Variants in MUC17 observed in about 807,000 individuals in gnomAD.
MUC17 encodes the protein mucin 17, cell surface associated.
Under a neutral mutation model 170.3 loss-of-function variants are expected in MUC17, and 190 were observed. That is an observed-to-expected ratio of 1.12 (90% CI 0.99 to 1.26). The LOEUF is 1.26. Among genes scored for constraint, MUC17 ranks in the 50% most tolerant of loss-of-function variants. The pLI is 0.00. For missense variants in MUC17, 6,415 were observed against 5,530.0 expected (o/e 1.16, Z -5.08); for synonymous variants, 2,325 against 2,002.5 (o/e 1.16, Z -4.30).
At position 101,046,578 on chromosome 7, in the gene MUC17, C is replaced by T. The variant is rs113986612; in HGVS notation, c.12404-1406C>T. ...ATTTGTTAAGGCCAGGAGTTTGAGA[C>T]CAGCCTGAGCAACAGAGCAATACCC... On this transcript the variant is annotated intron_variant, in intron 3 of 12. Coordinates refer to ENST00000306151, the MANE Select transcript of MUC17 (RefSeq NM_001040105.2). Among the ~76,000 whole-genome samples the T allele has an allele frequency of 7.2e-3, 1,099 of 152,054 alleles. 19 individuals carry two copies. The highest frequency in any genetic ancestry group is 0.025 in the African/African-American group (1,036 of 41,466).
At chr7:101,021,361 T>C (rs1387700316) in intron 1 of MUC17, among the ~76,000 whole-genome samples, 1 of 151,986 alleles carries the variant, frequency 6.6e-6, no homozygotes, top group Non-Finnish European at 1.5e-5. Flanking sequence ...AGATTTTGTA[T>C]ATTTTTAGTA....
rs1472811368 is a variant in MUC17, at chr7:101,031,217, G to A, written c.180G>A (p.Arg60=). Reference sequence around the variant, plus strand: ...GCCAGCAGCTGTCTCAGCACGTTAGGACAGGTAAGGCAACAGACTCCAAGA... The same window carrying A: ...GCCAGCAGCTGTCTCAGCACGTTAGAACAGGTAAGGCAACAGACTCCAAGA... ...RQCQQLSQHV[R]TGSAANTATG... is the part of the protein sequence containing the mutation. Residue 60 remains arginine, a synonymous_variant, in exon 2 of 13, where the codon AGG becomes AGA. Coordinates refer to ENST00000306151, the MANE Select transcript of MUC17 (RefSeq NM_001040105.2). 1.4e-5 allele frequency: 23 copies of A among 1,612,322 alleles called. No homozygotes were observed. Among genetic ancestry groups the A allele is most frequent in the Non-Finnish European group, 2.0e-5 (23 of 1,179,234 alleles).
At position 101,037,616 on chromosome 7, in the gene MUC17, C is replaced by T. The variant is rs749504674; in HGVS notation, c.6200C>T (p.Thr2067Ile). The T allele has an allele frequency of 1.9e-6, 3 of 1,614,034 alleles. No individual in the cohort carries two copies. Among genetic ancestry groups the T allele is most frequent in the East Asian group, 2.2e-5 (1 of 44,872 alleles). ...TCTGAGGGTAACACCCTTTCAACAA[C>T]TCCTGTTGACTCCAAAACTCAGGTG... ...VSSEGNTLST[T>I]PVDSKTQVTN... Residue 2067 changes from threonine to isoleucine, a missense_variant, in exon 3 of 13, where the codon ACT becomes ATT. By Grantham distance (89) the Thr-to-Ile change is moderately conservative. Coordinates refer to ENST00000306151, the MANE Select transcript of MUC17 (RefSeq NM_001040105.2).
chr7:101,049,047 T>TG, intron 5 of MUC17, 75 bp downstream of exon 5: 7 of 1,601,996 alleles, frequency 4.4e-6, no homozygotes, highest in Non-Finnish European at 4.3e-6. Context: ...AGAAGGTAGC[T>TG]GGGGGCTGTT....
At position 101,032,264 on chromosome 7, in the gene MUC17, G is replaced by A; in HGVS notation, c.848G>A (p.Ser283Asn). 1.2e-6 allele frequency: 2 copies of A among 1,613,928 alleles called. No homozygotes were observed. The highest frequency in any genetic ancestry group is 1.7e-6 in the Non-Finnish European group (2 of 1,179,888). The change falls in exon 3 of 13, where the codon AGC becomes AAC. Residue 283 changes from serine to asparagine, a missense_variant. Transcript: ENST00000306151. ...ACTCCATTAACAAGAATGCCTCTCA[G>A]CGTGATGCTGGTGGTCAGTTCTGAG... The part of the protein sequence containing the change: ...GSTPLTRMPL[S>N]VMLVVSSEAS...
In MUC17 at chr7:101,036,114, A is replaced by C; in HGVS notation, c.4698A>C (p.Ser1566=). The C allele has an allele frequency of 6.2e-7, 1 of 1,612,052 alleles. No homozygotes were observed. The highest frequency in any genetic ancestry group is 2.2e-5 in the East Asian group (1 of 44,722). The change falls in exon 3 of 13, where the codon TCA becomes TCC. Residue 1566 remains serine, a synonymous_variant. Transcript: ENST00000306151. ...CTGACGGTACCAGCATGCAAACCTC[A>C]ACTTATAGTGAAGGAAGCACTCCAC... The part of the protein sequence containing the change: ...TTADGTSMQT[S]TYSEGSTPLT...
chr7:101,033,231 T>C lies in MUC17; in HGVS notation c.1815T>C (p.Ser605=), dbSNP rs1248857521. ...CCAACACTTTTGTGACCACTTCTAG[T>C]GAAGCTAGTTCATCTTCTACAACTG... is the stretch of plus-strand genomic sequence containing the variant. ...ADSNTFVTTS[S]EASSSSTTAE... Residue 605 remains serine, a synonymous_variant, in exon 3 of 13, where the codon AGT becomes AGC. Transcript: ENST00000306151. 6.2e-7 allele frequency: 1 copy of C among 1,614,032 alleles called. No homozygotes were observed. Among genetic ancestry groups the C allele is most frequent in the African/African-American group, 1.3e-5 (1 of 74,906 alleles).
At chr7:101,030,555 ATCTTTTAAAAAATAT>A (rs1160285093) in intron 1 of MUC17, among the ~76,000 whole-genome samples, 1 of 152,052 alleles carries the variant, frequency 6.6e-6, no homozygotes, top group African/African-American at 2.4e-5. Flanking sequence ...GTCATATTCT[ATCTTTTAAAAAATAT>A]TTATTTATTC....
In MUC17 at chr7:101,035,312, T is replaced by G. The variant is rs147387209; in HGVS notation, c.3896T>G (p.Leu1299Ter). 2 of 1,604,148 alleles carry G rather than the reference T, an allele frequency of 1.2e-6. No individual in the cohort carries two copies. Among genetic ancestry groups the G allele is most frequent in the Admixed American group, 3.4e-5 (2 of 59,242 alleles). ...ACCAGTCCTGAGGCTAGCACCCTTT[T>G]AACAACTCCTGTTGACACTAAAGGT... is the stretch of plus-strand genomic sequence containing the variant. ...LVTSPEASTL[L>*]TTPVDTKGPV... Residue 1299 changes from leucine to a stop codon, truncating the protein, a stop_gained, in exon 3 of 13, where the codon TTA (leucine) becomes TGA (stop). Transcript: ENST00000306151. LOFTEE classifies it high-confidence loss of function.
In MUC17 at chr7:101,038,061, T is replaced by C. The variant is rs763903791; in HGVS notation, c.6645T>C (p.Pro2215=). The change falls in exon 3 of 13, where the codon CCT becomes CCC. Residue 2215 remains proline (P), a synonymous_variant. Coordinates refer to ENST00000306151, the MANE Select transcript of MUC17 (RefSeq NM_001040105.2). ...SEGTSMPTST[P]SEGSTPFTSM... is the part of the protein sequence containing the mutation. ...GTACCAGCATGCCAACCTCAACTCC[T>C]AGTGAAGGAAGCACTCCATTCACAA... 13 of 1,406,824 alleles carry C rather than the reference T, an allele frequency of 9.2e-6. No homozygotes were observed. The highest frequency in any genetic ancestry group is 1.2e-5 in the Non-Finnish European group (13 of 1,050,664). The allele number at this position is 1,406,824 out of a possible 1,614,324, so 87.1% of individuals were successfully genotyped here.
At position 101,039,133 on chromosome 7, in the gene MUC17, A is replaced by C; in HGVS notation, c.7717A>C (p.Ser2573Arg). The C allele has an allele frequency of 6.2e-7, 1 of 1,613,870 alleles. No individual in the cohort carries two copies. Among genetic ancestry groups the C allele is most frequent in the African/African-American group, 1.3e-5 (1 of 74,932 alleles). Reference protein sequence around the residue: ...SMPTSTYSEGSTPLRSMPVST... With the variant: ...SMPTSTYSEGRTPLRSMPVST... The stretch of plus-strand genomic sequence containing the variant: ...GCCTACCTCAACTTATAGTGAAGGA[A>C]GCACTCCATTAAGAAGTATGCCTGT... Residue 2573 changes from serine to arginine, a missense_variant, in exon 3 of 13, where the codon AGC (serine) becomes CGC (arginine). Coordinates refer to ENST00000306151, the MANE Select transcript of MUC17 (RefSeq NM_001040105.2).
At position 101,054,038 on chromosome 7, in the gene MUC17, C is replaced by T. The variant is rs190701528; in HGVS notation, c.13363+602C>T. 4.3e-5 allele frequency among the ~76,000 whole-genome samples: 4 copies of T among 93,262 alleles called. No individual in the cohort carries two copies. The East Asian group carries it at 1.6e-3, about 37-fold the overall frequency. The allele number at this position is 93,262 out of a possible 152,430, so 61.2% of individuals were successfully genotyped here. Reference sequence around the variant, plus strand: ...TTGTACCACTGCACTCCAGCCTGGGCAACAGAACAAGACCCTGTCAAAAAA... The same window carrying T: ...TTGTACCACTGCACTCCAGCCTGGGTAACAGAACAAGACCCTGTCAAAAAA... On this transcript the variant is annotated intron_variant, in intron 11 of 12. Coordinates refer to ENST00000306151, the MANE Select transcript of MUC17 (RefSeq NM_001040105.2).
At chr7:101,026,869 C>G (rs1336231099) in intron 1 of MUC17, among the ~76,000 whole-genome samples, 3 of 152,200 alleles carry the variant, frequency 2.0e-5, no homozygotes, top group Admixed American at 1.3e-4. Context: ...CACGCACCAC[C>G]ATGCCCAGCT....
rs1246112212 is a variant in MUC17, at chr7:101,043,420, C to G, written c.12004C>G (p.Leu4002Val). ...ACCCGCAATGACTACTGCAGCTCCC[C>G]TCACATATGTGACCATGTCTACTGC... ...TTPAMTTAAP[L>V]TYVTMSTAPS... Residue 4002 changes from leucine to valine, a missense_variant, in exon 3 of 13, where the codon CTC (leucine) becomes GTC (valine). Transcript: ENST00000306151. 6.2e-6 allele frequency: 10 copies of G among 1,614,154 alleles called. No homozygotes were observed. The highest frequency in any genetic ancestry group is 7.6e-6 in the Non-Finnish European group (9 of 1,180,030).
At position 101,020,237 on chromosome 7, in the gene MUC17, C is replaced by A; in HGVS notation, c.82+20C>A. 6.3e-7 allele frequency: 1 copy of A among 1,594,694 alleles called. No homozygotes were observed. Among genetic ancestry groups the A allele is most frequent in the South Asian group, 1.1e-5 (1 of 87,350 alleles). On this transcript the variant is annotated intron_variant, in intron 1 of 12. Transcript: ENST00000306151. ...AACAGGGTGAGTGACCCCCACGCCCCGCTGCCCAAGAGGCCCCCATCCCAG... is the reference window on the plus strand; with the variant it reads ...AACAGGGTGAGTGACCCCCACGCCCAGCTGCCCAAGAGGCCCCCATCCCAG...
chr7:101,021,353 A>T (rs28441585), intron 1 of MUC17, among the ~76,000 whole-genome samples: 47,925 of 151,322 alleles, frequency 0.32, 8,156 homozygotes, highest in South Asian at 0.44. Flanking sequence ...GCCCAGCTAG[A>T]TTTTGTATAT....
chr7:101,035,614 A>G lies in MUC17; in HGVS notation c.4198A>G (p.Ser1400Gly). ...NPSEGTTPLTSIPVSTTPVVS... is the reference protein window; with the variant it reads ...NPSEGTTPLTGIPVSTTPVVS... The stretch of plus-strand genomic sequence containing the variant: ...TAGTGAAGGAACCACTCCGTTAACA[A>G]GTATACCTGTCAGCACCACGCCGGT... The change falls in exon 3 of 13, where the codon AGT becomes GGT. Residue 1400 changes from serine (S) to glycine (G), a missense_variant. By Grantham distance (56) the Ser-to-Gly change is moderately conservative (BLOSUM62 0). Transcript: ENST00000306151. 3.1e-6 allele frequency: 5 copies of G among 1,613,738 alleles called. No individual in the cohort carries two copies. The highest frequency in any genetic ancestry group is 4.2e-6 in the Non-Finnish European group (5 of 1,179,802).
chr7:101,026,696 C>T (rs1453484953), intron 1 of MUC17, among the ~76,000 whole-genome samples: 4 of 152,038 alleles, frequency 2.6e-5, no homozygotes, highest in Non-Finnish European at 5.9e-5. Flanking sequence ...GTGGTCTTCC[C>T]GCCTCAGCCT....
In MUC17 at chr7:101,037,220, C is replaced by G. The variant is rs759140072; in HGVS notation, c.5804C>G (p.Thr1935Ser). The change falls in exon 3 of 13, where the codon ACC becomes AGC. Residue 1935 changes from threonine (T) to serine (S), a missense_variant. By Grantham distance (58) the Thr-to-Ser change is moderately conservative. Coordinates refer to ENST00000306151, the MANE Select transcript of MUC17 (RefSeq NM_001040105.2). ...RPPLTSIPVS[T>S]TTVASSEINT... ...CCATTAACAAGTATACCTGTCAGCA[C>G]CACAACAGTGGCCAGTTCTGAAATC... The G allele has an allele frequency of 2.5e-6, 4 of 1,612,158 alleles. No homozygotes were observed. The highest frequency in any genetic ancestry group is 3.4e-6 in the Non-Finnish European group (4 of 1,178,902).
Sources: allele counts gnomAD v4.1 joint callset (sites outside exome capture counted in the v4.1 genomes callset), GRCh38; gene constraint gnomAD v4.1.1; transcripts MANE v1.5; gene names NCBI Gene and HGNC (gene_info 2026-07-23, HGNC 2026-07-21).